PIK3AP1: variants seen among roughly 807,000 people sequenced by gnomAD.
PIK3AP1 encodes the protein phosphoinositide-3-kinase adaptor protein 1, also known as phosphoinositide 3-kinase adapter protein 1.
A neutral mutation model predicts 88.1 loss-of-function variants in PIK3AP1; 21 were observed. The ratio of observed to expected loss-of-function variants is 0.24; its 90% CI spans 0.17 to 0.34. The LOEUF (loss-of-function observed/expected upper bound fraction) is 0.34, where lower values mean the gene tolerates loss of function less well. PIK3AP1 is among the 10% of genes least tolerant of loss of function. PIK3AP1 has a pLI of 1.00. For synonymous variants in PIK3AP1, 398 were observed against 400.0 expected, an observed-to-expected ratio of 1.00 and a Z score of 0.06; for missense variants, 828 against 1,035.7, an observed-to-expected ratio of 0.80 and a Z score of 2.75.
At chr10:96,613,143 C>T (rs534119914) in intron 13 of PIK3AP1, among the ~76,000 whole-genome samples, 20 of 151,242 alleles carry the variant, frequency 1.3e-4, no homozygotes, top group South Asian at 4.2e-4. Flanking sequence ...GGACTAGAGG[C>T]GCATGCCACC....
chr10:96,663,219 A>G (rs1843716636), intron 2 of PIK3AP1, among the ~76,000 whole-genome samples: 1 of 152,206 alleles, frequency 6.6e-6, no homozygotes, highest in African/African-American at 2.4e-5. Flanking sequence ...TTGATTGAAA[A>G]TACTCTAAAA....
At chr10:96,676,458 A>T (rs763614124) in intron 2 of PIK3AP1, among the ~76,000 whole-genome samples, 1 of 151,668 alleles carries the variant, frequency 6.6e-6, no homozygotes, top group African/African-American at 2.4e-5. Context: ...CATGGCCCCA[A>T]CTGAGCCAGC....
chr10:96,658,174 T>C (rs1335769654), intron 2 of PIK3AP1, among the ~76,000 whole-genome samples: 13 of 151,972 alleles, frequency 8.6e-5, no homozygotes, highest in Non-Finnish European at 1.2e-4. Context: ...CAGCCAAATA[T>C]GTTAGGTACT....
At chr10:96,609,457 A>G (rs2134189239) in intron 14 of PIK3AP1, among the ~76,000 whole-genome samples, 1 of 152,376 alleles carries the variant, frequency 6.6e-6, no homozygotes, top group South Asian at 2.1e-4. Context: ...TGCTCAATAA[A>G]TGTTACCTAT....
At chr10:96,629,935 AGAAG>A (rs1843222193) in intron 8 of PIK3AP1, among the ~76,000 whole-genome samples, 16 of 131,256 alleles carry the variant, frequency 1.2e-4, no homozygotes, top group Non-Finnish European at 1.6e-4. Context: ...AAAAAAAAGA[AGAAG>A]AAGAAGAAGA....
At chr10:96,612,950 G>GTATA (rs398046320) in intron 13 of PIK3AP1, among the ~76,000 whole-genome samples, 51 of 59,662 alleles carry the variant, frequency 8.5e-4, no homozygotes, top group African/African-American at 2.3e-3. Flanking sequence ...GTGTGTGTGT[G>GTATA]TATATATATA....
In PIK3AP1 at chr10:96,645,656, C is replaced by T. The variant is rs1446564283; in HGVS notation, c.1192G>A (p.Val398Met). The T allele has an allele frequency of 1.3e-6, 2 of 1,588,954 alleles. No individual in the cohort carries two copies. Among genetic ancestry groups the T allele is most frequent in the African/African-American group, 2.7e-5 (2 of 73,636 alleles). ...RQFIDEYVETVDMLKSHIKEE... is the reference protein window; with the variant it reads ...RQFIDEYVETMDMLKSHIKEE... ...TTAATGTGACTCTTGAGCATGTCCA[C>T]CGTTTCCTGAAAGAGAAGATGAGGC... Residue 398 changes from valine (V) to methionine (M), a missense_variant, in exon 8 of 17, where the codon GTG becomes ATG. Coordinates refer to ENST00000339364, the MANE Select transcript of PIK3AP1 (RefSeq NM_152309.3).
chr10:96,719,231 C>A (rs1267903719), intron 1 of PIK3AP1, among the ~76,000 whole-genome samples: 2 of 152,190 alleles, frequency 1.3e-5, no homozygotes, highest in African/African-American at 4.8e-5. Flanking sequence ...ACAATCACTC[C>A]TGGCCTTTTC....
chr10:96,602,257 T>A (rs780088462), intron 16 of PIK3AP1, 23 bp downstream of exon 16: 2 of 1,557,570 alleles, frequency 1.3e-6, no homozygotes, highest in South Asian at 2.3e-5. Context: ...AAGGGAAAAA[T>A]TTCATATCAG....
intron 16 of PIK3AP1, among the ~76,000 whole-genome samples, chr10:96,596,423 T>C (rs1848754766): frequency 1.3e-5 from 2 of 152,212 alleles, no homozygotes; most frequent in Admixed American, 1.3e-4. Context: ...TCTGTGAGTA[T>C]AACAAACTAT....
chr10:96,597,175 G>C (rs1200684629), intron 16 of PIK3AP1, among the ~76,000 whole-genome samples: 3 of 151,838 alleles, frequency 2.0e-5, no homozygotes, highest in Non-Finnish European at 4.4e-5. Context: ...TGTGAGTTTG[G>C]GGTTATAGGA....
rs1404404409 is a variant in PIK3AP1 at position 96,653,222 on chromosome 10, T to C, written c.568-380A>G. Among the ~76,000 whole-genome samples the C allele has an allele frequency of 4.0e-5, 6 of 151,758 alleles. No individual in the cohort carries two copies. In the South Asian group the frequency reaches 1.0e-3, roughly 26 times the overall value. Reference sequence around the variant, plus strand: ...GAGTTTGAGACCAGCCTGGCCAACATGGTGAAACCCCGCCTCTACTAAAAA... The same window carrying C: ...GAGTTTGAGACCAGCCTGGCCAACACGGTGAAACCCCGCCTCTACTAAAAA... On this transcript the variant is annotated intron_variant, in intron 3 of 16. Coordinates refer to ENST00000339364, the MANE Select transcript of PIK3AP1 (RefSeq NM_152309.3).
intron 8 of PIK3AP1, among the ~76,000 whole-genome samples, chr10:96,637,591 C>A (rs766368031): frequency 7.2e-5 from 11 of 152,108 alleles, no homozygotes; most frequent in Non-Finnish European, 1.3e-4. Context: ...CTCAAGCGAT[C>A]TGCCCACTTT....
chr10:96,598,001 T>A (rs1313142674), intron 16 of PIK3AP1, among the ~76,000 whole-genome samples: 2 of 151,530 alleles, frequency 1.3e-5, no homozygotes, highest in Non-Finnish European at 2.9e-5. Context: ...TTATTTATAA[T>A]TGCAGACCTA....
intron 13 of PIK3AP1, among the ~76,000 whole-genome samples, chr10:96,616,164 G>C (rs576194398): frequency 1.3e-5 from 2 of 152,300 alleles, no homozygotes; most frequent in East Asian, 3.9e-4. Flanking sequence ...CCCTGCTATT[G>C]CACCATGGAA....
chr10:96,673,231 T>C (rs1460108025), intron 2 of PIK3AP1, among the ~76,000 whole-genome samples: 1 of 152,178 alleles, frequency 6.6e-6, no homozygotes, highest in Non-Finnish European at 1.5e-5. Context: ...TTCCCCACCA[T>C]GGTAAATGGG....
At chr10:96,719,990 G>A (rs934370995) in intron 1 of PIK3AP1, among the ~76,000 whole-genome samples, 4 of 152,206 alleles carry the variant, frequency 2.6e-5, no homozygotes, top group Non-Finnish European at 5.9e-5. Context: ...GGTCCACGGA[G>A]CCCAGGAGAC....
At chr10:96,622,558 G>A (rs1040978923) in intron 11 of PIK3AP1, among the ~76,000 whole-genome samples, 1 of 152,136 alleles carries the variant, frequency 6.6e-6, no homozygotes, top group African/African-American at 2.4e-5. Context: ...TTATCTGTCC[G>A]CACACACCCA....
At chr10:96,661,912 C>A (rs1268484300) in intron 2 of PIK3AP1, among the ~76,000 whole-genome samples, 2 of 151,958 alleles carry the variant, frequency 1.3e-5, no homozygotes, top group Non-Finnish European at 2.9e-5. Context: ...CTTCCTAATT[C>A]TTATAACTCC....
Sources: allele counts gnomAD v4.1 joint callset (sites outside exome capture counted in the v4.1 genomes callset), GRCh38; gene constraint gnomAD v4.1.1; transcripts MANE v1.5; gene names NCBI Gene and HGNC (gene_info 2026-07-23, HGNC 2026-07-21).